The following CNTNAP5 variants were observed in gnomAD, a reference collection of about 807,000 sequenced individuals.
CNTNAP5 encodes the protein contactin associated protein family member 5, also known as contactin-associated protein-like 5.
A neutral mutation model predicts 150.2 loss-of-function variants in CNTNAP5; 72 were observed. The observed-to-expected ratio is 0.48, with a 90% CI of 0.40 to 0.58. CNTNAP5 has a LOEUF of 0.58. Ranked by LOEUF, CNTNAP5 falls within the 20% of genes least tolerant of loss-of-function variation. The pLI is 0.00. For synonymous variants in CNTNAP5, 672 were observed against 619.8 expected, an observed-to-expected ratio of 1.08 and a Z score of -1.25; for missense variants, 1,636 against 1,626.2, an observed-to-expected ratio of 1.01 and a Z score of -0.10.
intron 5 of CNTNAP5, among the ~76,000 whole-genome samples, chr2:124,440,399 C>A (rs1223024385): frequency 1.3e-5 from 2 of 152,042 alleles, no homozygotes; most frequent in African/African-American, 2.4e-5. Context: ...CCCTTTTTCT[C>A]AGGCTGTCTG....
At chr2:124,246,833 T>A (rs1687041903) in intron 3 of CNTNAP5, among the ~76,000 whole-genome samples, 1 of 152,142 alleles carries the variant, frequency 6.6e-6, no homozygotes, top group African/African-American at 2.4e-5. Flanking sequence ...TCATCTCCTG[T>A]GAATATTCTA....
chr2:124,443,081 C>A (rs748851280), intron 5 of CNTNAP5, among the ~76,000 whole-genome samples: 1 of 151,892 alleles, frequency 6.6e-6, no homozygotes, highest in African/African-American at 2.4e-5. Flanking sequence ...TAAGAATGAA[C>A]GCTACAAATA....
chr2:124,814,824 C>T (rs1682314664), intron 19 of CNTNAP5, among the ~76,000 whole-genome samples: 1 of 152,094 alleles, frequency 6.6e-6, no homozygotes. Context: ...TATTTTTCTT[C>T]TCAAAGGGTC....
At chr2:124,213,684 T>C (rs1482129413) in intron 1 of CNTNAP5, among the ~76,000 whole-genome samples, 2 of 152,150 alleles carry the variant, frequency 1.3e-5, no homozygotes, top group East Asian at 3.9e-4. Flanking sequence ...AAATTAGATT[T>C]AGAGCATGAA....
chr2:124,847,944 A>C (rs1286112099), intron 19 of CNTNAP5, among the ~76,000 whole-genome samples: 1 of 152,190 alleles, frequency 6.6e-6, no homozygotes, highest in Non-Finnish European at 1.5e-5. Context: ...CAAAAAGCTT[A>C]AAAATATTTA....
rs376747206 is a variant in CNTNAP5, at chr2:124,746,680, A to G, written c.2078-549A>G. Among the ~76,000 whole-genome samples, 7 of 152,278 alleles carry G rather than the reference A, an allele frequency of 4.6e-5. No homozygotes were observed. In the East Asian group the frequency reaches 1.4e-3, roughly 29 times the overall value. ...CTTCACCTGAGTCTTTAACTTCCTC[A>G]TTGTCTACCCAGAACTGAGGACAGA... On this transcript the variant is annotated intron_variant, in intron 13 of 23. Coordinates refer to ENST00000682447, the MANE Select transcript of CNTNAP5 (RefSeq NM_001367498.1).
chr2:124,683,899 A>C (rs1002456840), intron 13 of CNTNAP5, among the ~76,000 whole-genome samples: 8 of 152,208 alleles, frequency 5.3e-5, no homozygotes, highest in Non-Finnish European at 1.2e-4. Flanking sequence ...CATTTTATCT[A>C]CATGATGCCA....
chr2:124,818,487 G>A (rs1682416605), intron 19 of CNTNAP5, among the ~76,000 whole-genome samples: 1 of 152,056 alleles, frequency 6.6e-6, no homozygotes, highest in Non-Finnish European at 1.5e-5. Context: ...AGGTACAATT[G>A]CACTACTGCA....
intron 8 of CNTNAP5, among the ~76,000 whole-genome samples, chr2:124,509,754 T>C (rs1441049884): frequency 6.6e-6 from 1 of 152,196 alleles, no homozygotes; most frequent in Non-Finnish European, 1.5e-5. Context: ...TTTACATCTA[T>C]AGATAATCTA....
chr2:124,358,365 C>T (rs1274164196), intron 3 of CNTNAP5, among the ~76,000 whole-genome samples: 1 of 152,152 alleles, frequency 6.6e-6, no homozygotes, highest in African/African-American at 2.4e-5. Flanking sequence ...TGAGAGAGGG[C>T]ATCCCTGTCT....
At chr2:124,145,846 A>AAAAG (rs1684238676) in intron 1 of CNTNAP5, among the ~76,000 whole-genome samples, 1 of 145,224 alleles carries the variant, frequency 6.9e-6, no homozygotes, top group Non-Finnish European at 1.5e-5. Flanking sequence ...AAAAAAAAAA[A>AAAAG]TAAAATATAT....
intron 13 of CNTNAP5, among the ~76,000 whole-genome samples, chr2:124,721,534 A>G (rs547642700): frequency 4.8e-4 from 63 of 131,510 alleles, no homozygotes; most frequent in African/African-American, 1.7e-3. Context: ...TTAAAAAAAC[A>G]AAAAAGAAAA....
chr2:124,598,965 GC>G, intron 11 of CNTNAP5, among the ~76,000 whole-genome samples: 1 of 152,026 alleles, frequency 6.6e-6, no homozygotes, highest in East Asian at 2.0e-4. Context: ...GACCCCTTGC[GC>G]TTCCCAGGTG....
chr2:124,327,710 A>G (rs1483091102), intron 3 of CNTNAP5, among the ~76,000 whole-genome samples: 2 of 152,160 alleles, frequency 1.3e-5, no homozygotes, highest in Non-Finnish European at 2.9e-5. Context: ...TCTATCTAAG[A>G]ACTGGAAGGC....
At chr2:124,037,615 T>G (rs553348589) in intron 1 of CNTNAP5, among the ~76,000 whole-genome samples, 4 of 152,136 alleles carry the variant, frequency 2.6e-5, no homozygotes, top group African/African-American at 4.8e-5. Flanking sequence ...CTCACTTATA[T>G]GTGGAATCTA....
chr2:124,682,331 C>T lies in CNTNAP5; in HGVS notation c.2077+34373C>T, dbSNP rs145592620. ...ACAATGTGCTGTCGTTTTGGTCATGCGCTGGAGTTAGCCCTGCTTCTCCCC... is the reference window on the plus strand; with the variant it reads ...ACAATGTGCTGTCGTTTTGGTCATGTGCTGGAGTTAGCCCTGCTTCTCCCC... On this transcript the variant is annotated intron_variant, in intron 13 of 23. Coordinates refer to ENST00000682447, the MANE Select transcript of CNTNAP5 (RefSeq NM_001367498.1). Among the ~76,000 whole-genome samples the T allele has an allele frequency of 9.3e-3, 1,416 of 152,264 alleles. 7 individuals are homozygous for T. The highest frequency in any genetic ancestry group is 0.041 in the Middle Eastern group (12 of 294).
At chr2:124,517,640 G>T (rs1170985575) in intron 8 of CNTNAP5, among the ~76,000 whole-genome samples, 1 of 149,880 alleles carries the variant, frequency 6.7e-6, no homozygotes, top group East Asian at 2.0e-4. Context: ...GGGTTGTGGT[G>T]TTGATGATGG....
intron 13 of CNTNAP5, among the ~76,000 whole-genome samples, chr2:124,717,202 G>A (rs571997127): frequency 2.6e-5 from 4 of 152,308 alleles, no homozygotes; most frequent in East Asian, 3.9e-4. Flanking sequence ...GTGATTCAGA[G>A]GTGACGGAGG....
At chr2:124,912,070 C>G (rs775072874) in intron 23 of CNTNAP5, among the ~76,000 whole-genome samples, 1 of 152,040 alleles carries the variant, frequency 6.6e-6, no homozygotes, top group African/African-American at 2.4e-5. Context: ...GCTCAGCTCT[C>G]CTGCTTTTCC....
Sources: allele counts gnomAD v4.1 joint callset (sites outside exome capture counted in the v4.1 genomes callset), GRCh38; gene constraint gnomAD v4.1.1; transcripts MANE v1.5; gene names NCBI Gene and HGNC (gene_info 2026-07-23, HGNC 2026-07-21).